The following FBXW7 variants were observed in gnomAD, a reference collection of about 807,000 sequenced individuals.
FBXW7 encodes the protein F-box and WD repeat domain containing 7.
FBXW7 carries 11 observed loss-of-function variants against 86.3 expected under a neutral mutation model. The ratio of observed to expected loss-of-function variants is 0.13; its 90% CI spans 0.08 to 0.21. The LOEUF is 0.21. Ranked by LOEUF, FBXW7 falls within the 10% of genes least tolerant of loss-of-function variation. The pLI is 1.00. For missense variants in FBXW7, 488 were observed against 847.4 expected (o/e 0.58, Z 5.27); for synonymous variants, 313 against 297.9 (o/e 1.05, Z -0.52).
intron 2 of FBXW7, chr4:152,530,292 AATAG>A (rs755055985): frequency 1.3e-5 from 2 of 152,212 alleles, no homozygotes; most frequent in Admixed American, 6.5e-5. Context: ...TTAAGACTTT[AATAG>A]ATAGCAGTAT....
At chr4:152,396,888 G>GT (rs1262766976) in intron 4 of FBXW7, among the ~76,000 whole-genome samples, 1 of 151,852 alleles carries the variant, frequency 6.6e-6, no homozygotes, top group Admixed American at 6.6e-5. Context: ...TAAAATAATT[G>GT]TAAGTTCATC....
chr4:152,383,970 C>A (rs1047708167), intron 4 of FBXW7, among the ~76,000 whole-genome samples: 1 of 152,068 alleles, frequency 6.6e-6, no homozygotes, highest in Non-Finnish European at 1.5e-5. Context: ...AGCCACAATG[C>A]GCTACCACTT....
At position 152,351,331 on chromosome 4, in the gene FBXW7, C is replaced by T. The variant is rs1233643396; in HGVS notation, c.502-1207G>A. Among the ~76,000 whole-genome samples the T allele has an allele frequency of 5.3e-5, 8 of 152,120 alleles. No individual in the cohort carries two copies. In the South Asian group the frequency reaches 6.2e-4, roughly 12 times the overall value. The stretch of plus-strand genomic sequence containing the variant: ...TTTCTAAAATACTAGGATGATCTTA[C>T]GACATTAGGGGCTAGAGGTGAGGGT... On this transcript the variant is annotated intron_variant, in intron 4 of 13. Transcript: ENST00000281708.
chr4:152,397,695 C>CAAAAAAAAAAAAAAAAAAA (rs397995836), intron 4 of FBXW7, among the ~76,000 whole-genome samples: 13 of 60,376 alleles, frequency 2.2e-4, no homozygotes, highest in African/African-American at 7.2e-4. Context: ...CCTAAGAAGC[C>CAAAAAAAAAAAAAAAAAAA]AAAAAAAAAA....
intron 4 of FBXW7, chr4:152,352,495 C>G (rs771867980): frequency 1.2e-6 from 2 of 1,613,868 alleles, no homozygotes; most frequent in East Asian, 4.5e-5. Context: ...TTTTAATGTG[C>G]CGTAGAAACC....
At chr4:152,481,719 T>C (rs1029470385) in intron 2 of FBXW7, among the ~76,000 whole-genome samples, 97 of 152,100 alleles carry the variant, frequency 6.4e-4, no homozygotes, top group African/African-American at 2.2e-3. Context: ...AAGACTTCAG[T>C]GGAGGAAATC....
At chr4:152,455,799 G>T (rs1425252344) in intron 2 of FBXW7, among the ~76,000 whole-genome samples, 1 of 152,126 alleles carries the variant, frequency 6.6e-6, no homozygotes, top group Non-Finnish European at 1.5e-5. Flanking sequence ...AACCTCTGCT[G>T]CAGTCATTCA....
chr4:152,449,477 C>T (rs1315622801), intron 2 of FBXW7, among the ~76,000 whole-genome samples: 1 of 151,984 alleles, frequency 6.6e-6, no homozygotes, highest in Admixed American at 6.6e-5. Context: ...AATACTGGTG[C>T]AGATAATGAT....
At chr4:152,516,072 G>A (rs1748461833) in intron 2 of FBXW7, among the ~76,000 whole-genome samples, 1 of 152,206 alleles carries the variant, frequency 6.6e-6, no homozygotes. Flanking sequence ...CAGAGCCTCA[G>A]AAGAGATAGG....
At chr4:152,408,485 A>AGTAT (rs1737629814) in intron 4 of FBXW7, among the ~76,000 whole-genome samples, 2 of 152,334 alleles carry the variant, frequency 1.3e-5, no homozygotes, top group South Asian at 4.1e-4. Context: ...GATTCAAGAG[A>AGTAT]GTATGACCTC....
At chr4:152,340,106 G>C (rs1730574005) in intron 6 of FBXW7, among the ~76,000 whole-genome samples, 1 of 151,728 alleles carries the variant, frequency 6.6e-6, no homozygotes, top group Admixed American at 6.6e-5. Context: ...AAAGTACATG[G>C]AAAAAAATTA....
chr4:152,462,594 C>T (rs566932491), intron 2 of FBXW7, among the ~76,000 whole-genome samples: 1 of 152,346 alleles, frequency 6.6e-6, no homozygotes, highest in Non-Finnish European at 1.5e-5. Flanking sequence ...GGCGAAAATG[C>T]ACCATAAGGC....
chr4:152,332,660 T>C lies in FBXW7; in HGVS notation c.921A>G (p.Thr307=), dbSNP rs1335612030. 4.4e-6 allele frequency: 7 copies of C among 1,606,070 alleles called. No individual in the cohort carries two copies. Among genetic ancestry groups the C allele is most frequent in the African/African-American group, 4.0e-5 (3 of 74,800 alleles). ...EPKDLLQAAQ[T]CRYWRILAED... ...CAGCCAAAATTCTCCAGTAGCGACA[T>C]GTCTGAGCTGCTTGTAGCAGGTCTT... Residue 307 remains threonine, a synonymous_variant, in exon 8 of 14, where the codon ACA becomes ACG. Coordinates refer to ENST00000281708, the MANE Select transcript of FBXW7 (RefSeq NM_001349798.2).
At chr4:152,390,680 AAC>A (rs1350468235) in intron 4 of FBXW7, among the ~76,000 whole-genome samples, 21 of 152,218 alleles carry the variant, frequency 1.4e-4, no homozygotes, top group African/African-American at 4.8e-4. Flanking sequence ...GTTTAAACAT[AAC>A]AGTTTAAACT....
Position 152,328,208 on chromosome 4 carries a change from C to T in FBXW7, c.1418G>A (p.Arg473Lys), listed in dbSNP as rs1729233908. 6.3e-7 allele frequency: 1 copy of T among 1,581,376 alleles called. No homozygotes were observed. The highest frequency in any genetic ancestry group is 1.4e-5 in the African/African-American group (1 of 72,548). ...CAACCATGACAAGATTTTCCCTTACCTTTTTTCATGAAGATGCATACAACG... is the reference window on the plus strand; with the variant it reads ...CAACCATGACAAGATTTTCCCTTACTTTTTTTCATGAAGATGCATACAACG... ...TVRCMHLHEK[R>K]VVSGSRDATL... The change falls in exon 11 of 14, where the codon AGA becomes AAA. Residue 473 changes from arginine (R) to lysine (K), a missense_variant and splice_region_variant. Around this residue, in one of 4 missense-constraint regions of FBXW7, gnomAD observed 142 missense variants for 406.6 expected, o/e 0.35. Transcript: ENST00000281708.
rs1398004275 is a variant in FBXW7, at chr4:152,324,614, T to G, written c.1645-220A>C. On this transcript the variant is annotated intron_variant, in intron 12 of 13. Coordinates refer to ENST00000281708, the MANE Select transcript of FBXW7 (RefSeq NM_001349798.2). The stretch of plus-strand genomic sequence containing the variant: ...CTTCTATCAGAAAGGCTCATCTTTA[T>G]GCCAAGCAGCTTCAAACTAGATGCA... 57 of 469,586 alleles carry G rather than the reference T, an allele frequency of 1.2e-4. No individual in the cohort carries two copies. The Admixed American group carries it at 2.1e-3, about 17-fold the overall frequency. The allele number at this position is 469,586 out of a possible 1,614,324, so 29.1% of individuals were successfully genotyped here.
chr4:152,430,724 G>A (rs1446182048), intron 2 of FBXW7, among the ~76,000 whole-genome samples: 1 of 152,116 alleles, frequency 6.6e-6, no homozygotes, highest in African/African-American at 2.4e-5. Flanking sequence ...AACCAGGGTA[G>A]AATGAAGTTC....
intron 2 of FBXW7, among the ~76,000 whole-genome samples, chr4:152,521,531 G>C (rs1285999753): frequency 6.6e-6 from 1 of 152,154 alleles, no homozygotes; most frequent in Non-Finnish European, 1.5e-5. Flanking sequence ...TACAGAAAAT[G>C]ATATGACTTC....
At chr4:152,532,781 G>A (rs1750134654) in intron 2 of FBXW7, among the ~76,000 whole-genome samples, 1 of 152,072 alleles carries the variant, frequency 6.6e-6, no homozygotes, top group Non-Finnish European at 1.5e-5. Context: ...CTCTCCTATA[G>A]CTTTGTGCAA....
Sources: gnomAD v4.1 joint callset for allele counts (sites outside exome capture counted in the v4.1 genomes callset) on GRCh38, gnomAD v4.1.1 for gene constraint, gnomAD v4.1.1 regional missense constraint, MANE v1.5 for transcripts, NCBI Gene and HGNC (gene_info 2026-07-23, HGNC 2026-07-21) for gene names.